The following CSE1L variants were observed in gnomAD, a reference collection of about 807,000 sequenced individuals.
CSE1L encodes the protein chromosome segregation 1 like.
Under a neutral mutation model 120.4 loss-of-function variants are expected in CSE1L, and 24 were observed. The observed-to-expected ratio is 0.20, with a 90% CI of 0.14 to 0.28. The LOEUF is 0.28. CSE1L is among the 10% of genes least tolerant of loss of function. The probability of loss-of-function intolerance (pLI) is 1.00; values close to 1 mark genes in which losing one functional copy is unlikely to be tolerated. For missense variants in CSE1L, 830 were observed against 1,145.2 expected, an observed-to-expected ratio of 0.72 and a Z score of 3.97; for synonymous variants, 402 against 398.3, an observed-to-expected ratio of 1.01 and a Z score of -0.11.
intron 15 of CSE1L, among the ~76,000 whole-genome samples, chr20:49,084,517 A>G (rs576421258): frequency 5.9e-5 from 9 of 152,352 alleles, no homozygotes; most frequent in African/African-American, 1.7e-4. Context: ...CACAGGGTCT[A>G]TGAGATAAAA....
Position 49,058,501 on chromosome 20 carries a change from A to T in CSE1L, c.38A>T (p.Glu13Val), listed in dbSNP as rs1400028356. The change falls in exon 2 of 25, where the codon GAA becomes GTA. Residue 13 changes from glutamate (E) to valine (V), a missense_variant. Coordinates refer to ENST00000262982, the MANE Select transcript of CSE1L (RefSeq NM_001316.4). ...LSDANLQTLT[E>V]YLKKTLDPDP... Reference sequence around the variant, plus strand: ...GATGCAAATCTGCAAACACTAACAGAATATTTAAAGAAAACACTTGATCCT... The same window carrying T: ...GATGCAAATCTGCAAACACTAACAGTATATTTAAAGAAAACACTTGATCCT... 1 of 1,613,938 alleles carries T rather than the reference A, an allele frequency of 6.2e-7. No individual in the cohort carries two copies. Among genetic ancestry groups the T allele is most frequent in the South Asian group, 1.1e-5 (1 of 91,066 alleles).
At chr20:49,056,977 G>A (rs905066353) in intron 1 of CSE1L, among the ~76,000 whole-genome samples, 8 of 152,016 alleles carry the variant, frequency 5.3e-5, no homozygotes, top group African/African-American at 1.9e-4. Context: ...CTTGAACTGT[G>A]TATTTCTTAG....
rs114966635 is a variant in CSE1L, at chr20:49,092,689, G to T, written c.2447+562G>T. On this transcript the variant is annotated intron_variant, in intron 22 of 24. Transcript: ENST00000262982. ...CAGGGGAAGGGAGGGCAGAGGGAGG[G>T]ATAGCATTAGCAGAAATACCTAATG... Among the ~76,000 whole-genome samples, 504 of 151,992 alleles carry T rather than the reference G, an allele frequency of 3.3e-3. 3 individuals are homozygous for T. Among genetic ancestry groups the T allele is most frequent in the African/African-American group, 0.012 (481 of 41,458 alleles).
chr20:49,095,002 CTT>C, intron 24 of CSE1L, 39 bp downstream of exon 24: 1 of 1,513,450 alleles, frequency 6.6e-7, no homozygotes, highest in Non-Finnish European at 9.2e-7. Context: ...TAAATGGAGA[CTT>C]TAATGGGAGG....
intron 1 of CSE1L, among the ~76,000 whole-genome samples, chr20:49,048,798 G>A (rs1449627983): frequency 6.6e-6 from 1 of 152,188 alleles, no homozygotes; most frequent in Non-Finnish European, 1.5e-5. Flanking sequence ...AGGTTGAGGT[G>A]TTGGGATATG....
At position 49,075,627 on chromosome 20, in the gene CSE1L, C is replaced by T. The variant is rs1356960769; in HGVS notation, c.1335+107C>T. 28 of 853,234 alleles carry T rather than the reference C, an allele frequency of 3.3e-5. 1 individual carries two copies. The South Asian group carries it at 4.6e-4, about 14-fold the overall frequency. The allele number at this position is 853,234 out of a possible 1,614,324, so 52.9% of individuals were successfully genotyped here. A position where few individuals can be genotyped will look rare whatever the true frequency, so the allele number is the denominator to read the frequency against. On this transcript the variant is annotated intron_variant, in intron 12 of 24. Transcript: ENST00000262982. ...TAATAGAGCTTACTCTGCCAGATAA[C>T]CTATTCTGATTAAGATTTATATAAT...
chr20:49,064,698 G>A (rs1445821288), intron 3 of CSE1L, among the ~76,000 whole-genome samples: 1 of 152,060 alleles, frequency 6.6e-6, no homozygotes, highest in African/African-American at 2.4e-5. Flanking sequence ...GGGCAACAGT[G>A]CCAGACACTG....
intron 22 of CSE1L, among the ~76,000 whole-genome samples, 198 bp downstream of exon 22, chr20:49,092,325 C>G (rs1248491258): frequency 6.6e-6 from 1 of 151,790 alleles, no homozygotes; most frequent in Non-Finnish European, 1.5e-5. Flanking sequence ...GCCCGTAATC[C>G]CACACTCTGA....
chr20:49,056,349 C>G (rs182526984), intron 1 of CSE1L, among the ~76,000 whole-genome samples: 69 of 152,264 alleles, frequency 4.5e-4, no homozygotes, highest in African/African-American at 1.7e-3. Context: ...GGTGATCCAC[C>G]CCCCTCAGCC....
At chr20:49,092,235 G>A (rs2092107036) in intron 22 of CSE1L, 108 bp downstream of exon 22, 1 of 620,130 alleles carries the variant, frequency 1.6e-6, no homozygotes, top group African/African-American at 1.9e-5. Flanking sequence ...TTGGTATGGA[G>A]ATAGTGTCTA....
rs149334590 is a variant in CSE1L, at chr20:49,095,434, A to G, written c.2826+471A>G. 3.5e-3 allele frequency among the ~76,000 whole-genome samples: 539 copies of G among 152,060 alleles called. 1 individual carries two copies. Among genetic ancestry groups the G allele is most frequent in the African/African-American group, 0.012 (510 of 41,486 alleles). ...CAACCTCCCAGGTTCAAGTGATCCT[A>G]CTGCCTGTCAGCCTTCCAAGTAGCT... On this transcript the variant is annotated intron_variant, in intron 24 of 24. Coordinates refer to ENST00000262982, the MANE Select transcript of CSE1L (RefSeq NM_001316.4).
intron 14 of CSE1L, among the ~76,000 whole-genome samples, chr20:49,082,084 G>A (rs1307092511): frequency 2.0e-5 from 3 of 151,736 alleles, no homozygotes; most frequent in Admixed American, 1.3e-4. Flanking sequence ...TTAGTATTAT[G>A]TAGGTTTTAA....
At chr20:49,074,683 T>A in intron 10 of CSE1L, 102 bp from the exon 11 acceptor site, 1 of 825,700 alleles carries the variant, frequency 1.2e-6, no homozygotes, top group Non-Finnish European at 1.9e-6. Context: ...ACGAATTCTT[T>A]GCTGTAGAAC....
At chr20:49,096,016 C>T (rs777464373) in intron 24 of CSE1L, among the ~76,000 whole-genome samples, 4 of 152,062 alleles carry the variant, frequency 2.6e-5, no homozygotes, top group Admixed American at 2.6e-4. Context: ...AGTTTTGTTT[C>T]GTTTCTCCTT....
At chr20:49,049,725 C>T (rs556995468) in intron 1 of CSE1L, among the ~76,000 whole-genome samples, 4 of 152,130 alleles carry the variant, frequency 2.6e-5, no homozygotes, top group East Asian at 3.9e-4. Flanking sequence ...ATCTGCAAGG[C>T]GATATAAAAA....
intron 16 of CSE1L, among the ~76,000 whole-genome samples, chr20:49,086,456 C>G (rs2092058907): frequency 6.8e-6 from 1 of 146,022 alleles, no homozygotes; most frequent in Non-Finnish European, 1.5e-5. Flanking sequence ...GCCTCACTCT[C>G]CTGGGTTCAA....
chr20:49,096,251 C>T lies in CSE1L; in HGVS notation c.2827-98C>T, dbSNP rs1227559070. Reference sequence around the variant, plus strand: ...TGGTGATTAATGACTTGACTGGCTGCTCTTCCCAGAGCTGTGGCAGCTCTC... The same window carrying T: ...TGGTGATTAATGACTTGACTGGCTGTTCTTCCCAGAGCTGTGGCAGCTCTC... On this transcript the variant is annotated intron_variant, in intron 24 of 24. Transcript: ENST00000262982. The T allele has an allele frequency of 9.5e-6, 9 of 945,772 alleles. No individual in the cohort carries two copies. In the East Asian group the frequency reaches 2.0e-4, roughly 21 times the overall value. The allele number at this position is 945,772 out of a possible 1,614,324, so 58.6% of individuals were successfully genotyped here.
intron 3 of CSE1L, among the ~76,000 whole-genome samples, chr20:49,065,784 T>C (rs2091888031): frequency 6.6e-6 from 1 of 151,702 alleles, no homozygotes; most frequent in Non-Finnish European, 1.5e-5. Context: ...AGTAGAGACA[T>C]GGTTTCACCA....
chr20:49,071,813 C>G (rs1295249244), intron 8 of CSE1L, among the ~76,000 whole-genome samples: 1 of 151,636 alleles, frequency 6.6e-6, no homozygotes. Flanking sequence ...AAAAAAAATA[C>G]AAAAATTAGC....
Sources: allele counts gnomAD v4.1 joint callset (sites outside exome capture counted in the v4.1 genomes callset), GRCh38; gene constraint gnomAD v4.1.1; transcripts MANE v1.5; gene names NCBI Gene and HGNC (gene_info 2026-07-23, HGNC 2026-07-21).